The following FSD1L variants were observed in gnomAD, a reference collection of about 807,000 sequenced individuals.
FSD1L encodes the protein fibronectin type III and SPRY domain containing 1 like.
A neutral mutation model predicts 71.6 loss-of-function variants in FSD1L; 45 were observed. That is an observed-to-expected ratio of 0.63 (90% CI 0.49 to 0.81). The LOEUF is 0.81. Among genes scored for constraint, FSD1L ranks in the 30% least tolerant of loss-of-function variants. The pLI, the probability that FSD1L is intolerant of heterozygous loss-of-function variation, is 0.00. For synonymous variants in FSD1L, 197 were observed against 207.2 expected, an observed-to-expected ratio of 0.95 and a Z score of 0.42; for missense variants, 561 against 618.1, an observed-to-expected ratio of 0.91 and a Z score of 0.98.
chr9:105,491,667 C>T (rs1191561793), intron 7 of FSD1L, among the ~76,000 whole-genome samples: 8 of 151,834 alleles, frequency 5.3e-5, no homozygotes, highest in African/African-American at 7.3e-5. Context: ...TTTTGAGATA[C>T]GTCCCATCAA....
chr9:105,487,769 G>A (rs376686958), intron 7 of FSD1L, among the ~76,000 whole-genome samples: 2 of 151,944 alleles, frequency 1.3e-5, no homozygotes, highest in South Asian at 4.1e-4. Flanking sequence ...TTTCTTTTGT[G>A]ACTCTTAGAT....
chr9:105,501,420 C>T (rs982643688), intron 7 of FSD1L, among the ~76,000 whole-genome samples: 1 of 151,700 alleles, frequency 6.6e-6, no homozygotes, highest in Non-Finnish European at 1.5e-5. Flanking sequence ...AAGTTCCCAT[C>T]GTTTACAGTT....
At chr9:105,514,293 A>G (rs543754360) in intron 10 of FSD1L, among the ~76,000 whole-genome samples, 1 of 152,360 alleles carries the variant, frequency 6.6e-6, no homozygotes, top group South Asian at 2.1e-4. Context: ...TTAATAGTCT[A>G]TGAGTAGACT....
chr9:105,448,493 A>G (rs1029116883), intron 1 of FSD1L, among the ~76,000 whole-genome samples: 2 of 152,186 alleles, frequency 1.3e-5, no homozygotes, highest in Non-Finnish European at 1.5e-5. Flanking sequence ...TCTGGAGGAG[A>G]AACGGAGCCA....
intron 10 of FSD1L, among the ~76,000 whole-genome samples, chr9:105,514,383 T>C (rs776440029): frequency 2.9e-4 from 44 of 152,344 alleles, no homozygotes; most frequent in South Asian, 6.2e-4. Context: ...ACTTGTCGAA[T>C]GTTATATGCA....
intron 5 of FSD1L, among the ~76,000 whole-genome samples, chr9:105,475,906 G>A (rs1423502107): frequency 1.3e-5 from 2 of 152,032 alleles, no homozygotes; most frequent in African/African-American, 2.4e-5. Flanking sequence ...ATCAACTGGT[G>A]TGCAATCTTT....
At chr9:105,499,296 G>A (rs1287918538) in intron 7 of FSD1L, among the ~76,000 whole-genome samples, 1 of 152,174 alleles carries the variant, frequency 6.6e-6, no homozygotes, top group East Asian at 1.9e-4. Context: ...CAAATAAATA[G>A]TTGCCCTTAT....
At chr9:105,481,920 G>C (rs886374223) in intron 6 of FSD1L, among the ~76,000 whole-genome samples, 3 of 151,854 alleles carry the variant, frequency 2.0e-5, no homozygotes, top group Non-Finnish European at 4.4e-5. Flanking sequence ...CTGCAGGCAC[G>C]TGCCACCATG....
chr9:105,447,973 G>A, upstream of FSD1L: 1 of 542,302 alleles, frequency 1.8e-6, no homozygotes, highest in Non-Finnish European at 3.2e-6. Flanking sequence ...CTTCCCGGGA[G>A]CAGTCAGCCG....
chr9:105,494,422 T>C (rs1273802251), intron 7 of FSD1L, among the ~76,000 whole-genome samples: 1 of 152,198 alleles, frequency 6.6e-6, no homozygotes, highest in Non-Finnish European at 1.5e-5. Context: ...TTCAAAGTTT[T>C]CAACTTCTTT....
In FSD1L at chr9:105,547,974, A is replaced by C. The variant is rs1837101985; in HGVS notation, c.*1491A>C. On this transcript the variant is annotated 3_prime_UTR_variant, in exon 14 of 14. Transcript: ENST00000481272. ...CATAGAGACTTGTATAATAGTATTAATAGTAGCTCATTCTCTCTAAAAATT... is the reference window on the plus strand; with the variant it reads ...CATAGAGACTTGTATAATAGTATTACTAGTAGCTCATTCTCTCTAAAAATT... 6.6e-6 allele frequency: 1 copy of C among 152,078 alleles called. No homozygotes were observed. Among genetic ancestry groups the C allele is most frequent in the Non-Finnish European group, 1.5e-5 (1 of 67,962 alleles). The allele number at this position is 152,078 out of a possible 1,614,324, so 9.4% of individuals were successfully genotyped here. A position where few individuals can be genotyped will look rare whatever the true frequency, so the allele number is the denominator to read the frequency against.
rs1044552443 is a variant in FSD1L, at chr9:105,549,778, C to T, written c.*3295C>T. 6.6e-6 allele frequency: 1 copy of T among 151,778 alleles called. No homozygotes were observed. Among genetic ancestry groups the T allele is most frequent in the African/African-American group, 2.4e-5 (1 of 41,352 alleles). 9.4% of individuals were successfully genotyped at this position (151,778 alleles called of 1,614,324 possible). A position where few individuals can be genotyped will look rare whatever the true frequency, so the allele number is the denominator to read the frequency against. On this transcript the variant is annotated 3_prime_UTR_variant, in exon 14 of 14. Coordinates refer to ENST00000481272, the MANE Select transcript of FSD1L (RefSeq NM_001145313.3). ...AATCTTTTAATTAGGCTAAGATATG[C>T]TATTTCATAACTTATGTAGAATGAT...
chr9:105,505,950 C>CTTCA (rs767400835), intron 7 of FSD1L, among the ~76,000 whole-genome samples: 2 of 152,112 alleles, frequency 1.3e-5, no homozygotes, highest in Non-Finnish European at 2.9e-5. Flanking sequence ...GGCTCATTTA[C>CTTCA]TTCAGTTTAT....
chr9:105,448,227 T>C lies in FSD1L; in HGVS notation c.7T>C (p.Ser3Pro). Residue 3 changes from serine (S) to proline (P), a missense_variant, in exon 1 of 14, where the codon TCC (serine) becomes CCC (proline). Ser to Pro is a moderately conservative substitution (Grantham distance 74). Around this residue, in one of 3 missense-constraint regions of FSD1L, gnomAD observed 410 missense variants for 413.5 expected, o/e 0.99. Transcript: ENST00000481272. MD[S>P]QKYCFKENEN... The stretch of plus-strand genomic sequence containing the variant: ...GTGGGCTTAGCCACTCGCCATGGAC[T>C]CCCAGAAAGTAAGCGGGGGAGGGGA... 1.4e-6 allele frequency: 2 copies of C among 1,481,078 alleles called. No individual in the cohort carries two copies. Among genetic ancestry groups the C allele is most frequent in the Non-Finnish European group, 9.0e-7 (1 of 1,108,226 alleles). 91.7% of individuals were successfully genotyped at this position (1,481,078 alleles called of 1,614,324 possible).
chr9:105,524,700 C>A lies in FSD1L; in HGVS notation c.1026-9793C>A. 2.5e-6 allele frequency: 4 copies of A among 1,613,920 alleles called. No homozygotes were observed. The African/African-American group carries it at 4.0e-5, about 16-fold the overall frequency. The stretch of plus-strand genomic sequence containing the variant: ...GCCTCTGCGCTCTCCTGACTCAGAA[C>A]GATCTTCTAAACTCCAGCCAGTAAC... On this transcript the variant is annotated intron_variant, in intron 10 of 13. Transcript: ENST00000481272.
At chr9:105,522,606 G>A in intron 10 of FSD1L, 1 of 1,613,190 alleles carries the variant, frequency 6.2e-7, no homozygotes, top group Non-Finnish European at 8.5e-7. Context: ...AGTTTTTGGT[G>A]CTTTGAATGA....
intron 1 of FSD1L, among the ~76,000 whole-genome samples, chr9:105,460,533 A>G (rs534261444): frequency 1.3e-5 from 2 of 149,424 alleles, no homozygotes; most frequent in Non-Finnish European, 3.0e-5. Context: ...CAGAGGTTGC[A>G]GTGAGCCGAG....
chr9:105,494,698 C>T (rs1421660744), intron 7 of FSD1L, among the ~76,000 whole-genome samples: 1 of 152,076 alleles, frequency 6.6e-6, no homozygotes, highest in Non-Finnish European at 1.5e-5. Context: ...GTCCTTTCTG[C>T]TTGTTAGTTT....
At position 105,517,068 on chromosome 9, in the gene FSD1L, G is replaced by A. The variant is rs530302371; in HGVS notation, c.1025+4132G>A. Among the ~76,000 whole-genome samples the A allele has an allele frequency of 8.5e-5, 13 of 152,162 alleles. No individual in the cohort carries two copies. In the East Asian group the frequency reaches 2.3e-3, roughly 27 times the overall value. Reference sequence around the variant, plus strand: ...AGCTGTATCAATCAAGTGGAAGAAAGGATATCAGACATTGAAGATCAACTT... The same window carrying A: ...AGCTGTATCAATCAAGTGGAAGAAAAGATATCAGACATTGAAGATCAACTT... On this transcript the variant is annotated intron_variant, in intron 10 of 13. Coordinates refer to ENST00000481272, the MANE Select transcript of FSD1L (RefSeq NM_001145313.3).
Sources: allele counts gnomAD v4.1 joint callset (sites outside exome capture counted in the v4.1 genomes callset), GRCh38; gene constraint gnomAD v4.1.1; regional missense constraint gnomAD v4.1.1; transcripts MANE v1.5; gene names NCBI Gene and HGNC (gene_info 2026-07-23, HGNC 2026-07-21).